The following XRN2 variants were observed in gnomAD, a reference collection of about 807,000 sequenced individuals.
XRN2 encodes the protein 5'-3' exoribonuclease 2, also known as DHM1-like protein.
XRN2 carries 44 observed loss-of-function variants against 138.5 expected under a neutral mutation model. The ratio of observed to expected loss-of-function variants is 0.32; its 90% CI spans 0.25 to 0.41. XRN2 has a LOEUF of 0.41. XRN2 is among the 10% of genes least tolerant of loss of function. The probability of loss-of-function intolerance (pLI) is 1.00; values close to 1 mark genes in which losing one functional copy is unlikely to be tolerated. For missense variants in XRN2, 937 were observed against 1,169.3 expected (o/e 0.80, Z 2.90); for synonymous variants, 354 against 369.4 (o/e 0.96, Z 0.48).
At position 21,389,274 on chromosome 20, in the gene XRN2, G is replaced by A. The variant is rs768327163; in HGVS notation, c.2789G>A (p.Gly930Glu). The change falls in exon 30 of 30, where the codon GGA (glycine) becomes GAA (glutamate). Residue 930 changes from glycine to glutamate, a missense_variant and splice_region_variant. Transcript: ENST00000377191. Reference sequence around the variant, plus strand: ...ACTCTTTCTTTTGTTTATTTTCAGGGATATCCCAGAGAAGGAAGGAAATAC... The same window carrying A: ...ACTCTTTCTTTTGTTTATTTTCAGGAATATCCCAGAGAAGGAAGGAAATAC... ...PRRDDRGGRQ[G>E]YPREGRKYPL... 21 of 1,612,282 alleles carry A rather than the reference G, an allele frequency of 1.3e-5. No individual in the cohort carries two copies. Among genetic ancestry groups the A allele is most frequent in the East Asian group, 6.7e-5 (3 of 44,786 alleles).
chr20:21,349,564 G>A, intron 20 of XRN2, 103 bp downstream of exon 20: 1 of 987,862 alleles, frequency 1.0e-6, no homozygotes. Flanking sequence ...GCAACATGGT[G>A]AAATCTCATT....
intron 1 of XRN2, among the ~76,000 whole-genome samples, chr20:21,313,619 G>A (rs1271241596): frequency 6.6e-6 from 1 of 152,188 alleles, no homozygotes; most frequent in Admixed American, 6.5e-5. Context: ...ATTTTATTTG[G>A]TAAATTAATG....
intron 26 of XRN2, 64 bp from the exon 27 acceptor site, chr20:21,368,399 C>T: frequency 6.3e-7 from 1 of 1,576,032 alleles, no homozygotes; most frequent in Non-Finnish European, 8.6e-7. Context: ...TTATTTGTGT[C>T]AGCTGTGTTA....
intron 13 of XRN2, among the ~76,000 whole-genome samples, chr20:21,336,146 G>T (rs1258139420): frequency 1.3e-5 from 2 of 152,160 alleles, no homozygotes; most frequent in Admixed American, 6.5e-5. Context: ...CAGAACAAAT[G>T]ATAGAAAAGG....
intron 26 of XRN2, 143 bp downstream of exon 26, chr20:21,365,847 T>TG (rs2038688092): frequency 7.1e-6 from 1 of 141,552 alleles, no homozygotes; most frequent in African/African-American, 2.9e-5. Flanking sequence ...ATATAATATA[T>TG]AATTACATAT....
rs1386848014 is a variant in XRN2 at position 21,368,544 on chromosome 20, C to T, written c.2538C>T (p.Tyr846=). 6.2e-7 allele frequency: 1 copy of T among 1,614,098 alleles called. No homozygotes were observed. Among genetic ancestry groups the T allele is most frequent in the South Asian group, 1.1e-5 (1 of 91,076 alleles). Residue 846 remains tyrosine, a synonymous_variant, in exon 27 of 30, where the codon TAC becomes TAT. Transcript: ENST00000377191. ...CTGTGACTTACCAGGGAAACTTATA[C>T]AGGCCGCTTTTGAGAGGACAAGCCC... ...PPPVTYQGNL[Y]RPLLRGQAQI...
chr20:21,375,305 C>T (rs1327861038), intron 27 of XRN2, among the ~76,000 whole-genome samples: 1 of 146,112 alleles, frequency 6.8e-6, no homozygotes, highest in Non-Finnish European at 1.5e-5. Flanking sequence ...CATTTGTTTT[C>T]TATTGATTTC....
chr20:21,346,533 C>G lies in XRN2; in HGVS notation c.1648C>G (p.Leu550Val). ...GTACGTTGAAGGACTTTGCTGGGTT[C>G]TTAGATATTATTACCAGGTACAAAA... is the stretch of plus-strand genomic sequence containing the variant. ...QSYVEGLCWV[L>V]RYYYQGCASW... The change falls in exon 17 of 30, where the codon CTT becomes GTT. Residue 550 changes from leucine (L) to valine (V), a missense_variant. By Grantham distance (32) the Leu-to-Val change is conservative (BLOSUM62 1). Transcript: ENST00000377191. 1 of 1,613,702 alleles carries G rather than the reference C, an allele frequency of 6.2e-7. No individual in the cohort carries two copies. The highest frequency in any genetic ancestry group is 1.1e-5 in the South Asian group (1 of 91,024).
chr20:21,330,677 A>T lies in XRN2; in HGVS notation c.548A>T (p.Asn183Ile). 1 of 1,612,938 alleles carries T rather than the reference A, an allele frequency of 6.2e-7. No homozygotes were observed. Among genetic ancestry groups the T allele is most frequent in the Non-Finnish European group, 8.5e-7 (1 of 1,179,956 alleles). Reference sequence around the variant, plus strand: ...CGCTATTACATAGCTGATCGTTTAAATAATGACCCTGGGTGGAAAAATTTG... The same window carrying T: ...CGCTATTACATAGCTGATCGTTTAATTAATGACCCTGGGTGGAAAAATTTG... Reference protein sequence around the residue: ...CLRYYIADRLNNDPGWKNLTV... With the variant: ...CLRYYIADRLINDPGWKNLTV... The change falls in exon 6 of 30, where the codon AAT (asparagine) becomes ATT (isoleucine). Residue 183 changes from asparagine to isoleucine, a missense_variant. Transcript: ENST00000377191.
At chr20:21,389,163 T>C in intron 29 of XRN2, 110 bp from the exon 30 acceptor site, 1 of 958,430 alleles carries the variant, frequency 1.0e-6, no homozygotes, top group Non-Finnish European at 1.5e-6. Flanking sequence ...GCTGTACCTT[T>C]AACACATACT....
chr20:21,366,335 C>T (rs2122311873), intron 26 of XRN2, among the ~76,000 whole-genome samples: 1 of 148,498 alleles, frequency 6.7e-6, no homozygotes, highest in East Asian at 2.0e-4. Context: ...ATCATGAGAT[C>T]AGGAGATCAA....
chr20:21,318,305 C>G (rs1011764013), intron 1 of XRN2, among the ~76,000 whole-genome samples: 1 of 151,862 alleles, frequency 6.6e-6, no homozygotes, highest in African/African-American at 2.4e-5. Flanking sequence ...TTGAGTCTTC[C>G]CTCTTTTTTC....
At chr20:21,335,616 G>C (rs564116347) in intron 13 of XRN2, among the ~76,000 whole-genome samples, 4 of 152,300 alleles carry the variant, frequency 2.6e-5, no homozygotes, top group South Asian at 4.1e-4. Context: ...TACAGAACTA[G>C]CTTTGTCTGG....
At chr20:21,385,768 C>T (rs1391807646) in intron 28 of XRN2, among the ~76,000 whole-genome samples, 2 of 152,098 alleles carry the variant, frequency 1.3e-5, no homozygotes, top group Non-Finnish European at 2.9e-5. Flanking sequence ...CCCAATGAGC[C>T]CAGCGCCGGG....
chr20:21,321,252 C>T (rs1430202492), intron 1 of XRN2, among the ~76,000 whole-genome samples: 1 of 151,284 alleles, frequency 6.6e-6, no homozygotes, highest in Non-Finnish European at 1.5e-5. Context: ...AGTGCTCTGT[C>T]TCGGTGTCCC....
intron 27 of XRN2, among the ~76,000 whole-genome samples, chr20:21,377,295 C>T (rs565169984): frequency 1.9e-5 from 1 of 51,454 alleles, no homozygotes; most frequent in East Asian, 1.1e-3. Flanking sequence ...TCTTGCTTTG[C>T]CACCCAGGCT....
At chr20:21,368,413 T>C in intron 26 of XRN2, 50 bp from the exon 27 acceptor site, 1 of 1,600,662 alleles carries the variant, frequency 6.2e-7, no homozygotes, top group Non-Finnish European at 8.5e-7. Context: ...TGTGTTATGA[T>C]GGGTATATCA....
At chr20:21,335,073 C>T (rs2038266575) in intron 13 of XRN2, among the ~76,000 whole-genome samples, 1 of 152,030 alleles carries the variant, frequency 6.6e-6, no homozygotes, top group African/African-American at 2.4e-5. Context: ...GAAAGAGGAG[C>T]CAGTTATAGA....
At chr20:21,340,667 T>C (rs1486679174) in intron 14 of XRN2, 54 bp from the exon 15 acceptor site, 2 of 1,587,840 alleles carry the variant, frequency 1.3e-6, no homozygotes, top group African/African-American at 2.7e-5. Context: ...CTTTCTGTCA[T>C]CTAACTGTGT....
Sources: gnomAD v4.1 joint callset for allele counts (sites outside exome capture counted in the v4.1 genomes callset) on GRCh38, gnomAD v4.1.1 for gene constraint, MANE v1.5 for transcripts, NCBI Gene and HGNC (gene_info 2026-07-23, HGNC 2026-07-21) for gene names.